STAB2: variants seen among roughly 807,000 people sequenced by gnomAD.
STAB2 encodes stabilin 2, also known as stabilin-2.
STAB2 carries 288 observed loss-of-function variants against 338.1 expected under a neutral mutation model. The observed-to-expected ratio is 0.85, with a 90% CI of 0.77 to 0.94. The LOEUF (loss-of-function observed/expected upper bound fraction) is 0.94, where lower values mean the gene tolerates loss of function less well. STAB2 is among the 40% of genes least tolerant of loss of function. STAB2 has a pLI of 0.00. For synonymous variants in STAB2, 1,202 were observed against 1,193.3 expected (o/e 1.01, Z -0.15); for missense variants, 3,141 against 3,210.1 (o/e 0.98, Z 0.52).
chr12:103,668,629 T>C lies in STAB2; in HGVS notation c.2086-14T>C. On this transcript the variant is annotated splice_polypyrimidine_tract_variant and intron_variant, in intron 19 of 68. Coordinates refer to ENST00000388887, the MANE Select transcript of STAB2 (RefSeq NM_017564.10). ...ATGCTGACTGCCATGCTTTCCCTCC[T>C]TGGCTTTCTCCAGGCACTCTTCACA... 1.3e-6 allele frequency: 2 copies of C among 1,551,220 alleles called. No individual in the cohort carries two copies. Among genetic ancestry groups the C allele is most frequent in the Non-Finnish European group, 1.7e-6 (2 of 1,146,942 alleles).
At chr12:103,652,416 AT>A (rs1873810651) in intron 11 of STAB2, 139 bp from the exon 12 acceptor site, 1 of 634,882 alleles carries the variant, frequency 1.6e-6, no homozygotes, top group African/African-American at 1.9e-5. Flanking sequence ...CAGTGCTTTC[AT>A]GCATTTGTAT....
At chr12:103,600,511 C>A (rs1214079376) in intron 3 of STAB2, among the ~76,000 whole-genome samples, 24 of 152,208 alleles carry the variant, frequency 1.6e-4, no homozygotes, top group Admixed American at 1.6e-3. Context: ...ATCACAGAGA[C>A]TCCACCCTGA....
In STAB2 at chr12:103,590,990, A is replaced by C. The variant is rs1162149668; in HGVS notation, c.175A>C (p.Thr59Pro). Residue 59 changes from threonine to proline, a missense_variant, in exon 2 of 69, where the codon ACC becomes CCC. Thr to Pro is a conservative substitution (Grantham distance 38). Coordinates refer to ENST00000388887, the MANE Select transcript of STAB2 (RefSeq NM_017564.10). ...TGGAGTCAAGTGCCCGGATGGTTAC[A>C]CCATGATTACCAGTGGCTCTGTAGG... ...NLGVKCPDGY[T>P]MITSGSVGVR... The C allele has an allele frequency of 6.2e-7, 1 of 1,614,008 alleles. No individual in the cohort carries two copies. The highest frequency in any genetic ancestry group is 8.5e-7 in the Non-Finnish European group (1 of 1,180,030).
At chr12:103,650,383 G>C (rs1320630573) in intron 10 of STAB2, 113 bp from the exon 11 acceptor site, 3 of 754,354 alleles carry the variant, frequency 4.0e-6, no homozygotes, top group Non-Finnish European at 6.7e-6. Context: ...CATTAGAATA[G>C]AGAAGGGCAT....
At chr12:103,737,452 C>T (rs1157489134) in intron 52 of STAB2, among the ~76,000 whole-genome samples, 182 bp from the exon 53 acceptor site, 2 of 152,150 alleles carry the variant, frequency 1.3e-5, no homozygotes, top group Non-Finnish European at 2.9e-5. Context: ...GCACATAATA[C>T]AAGCTGGGTA....
chr12:103,753,905 GAA>G (rs1883891062), intron 61 of STAB2, among the ~76,000 whole-genome samples: 1 of 152,068 alleles, frequency 6.6e-6, no homozygotes, highest in Non-Finnish European at 1.5e-5. Flanking sequence ...ACTGTGAAAA[GAA>G]AAAAGAGACT....
rs143223787 is a variant in STAB2 at position 103,733,170 on chromosome 12, A to G, written c.5448A>G (p.Ile1816Met). 384 of 1,613,972 alleles carry G rather than the reference A, an allele frequency of 2.4e-4. No homozygotes were observed. The highest frequency in any genetic ancestry group is 3.2e-4 in the Non-Finnish European group (374 of 1,179,976). Reference protein sequence around the residue: ...KLKEYLKFHVIRDAKVLAVDL... With the variant: ...KLKEYLKFHVMRDAKVLAVDL... ...AGGAGTATTTGAAGTTTCATGTGAT[A>G]CGAGATGCCAAGGTATTTAGTTTAC... Residue 1816 changes from isoleucine (I) to methionine (M), a missense_variant, in exon 51 of 69, where the codon ATA (isoleucine) becomes ATG (methionine). Transcript: ENST00000388887.
Position 103,733,131 on chromosome 12 carries a change from C to G in STAB2, c.5409C>G (p.Asn1803Lys). 1 of 1,614,152 alleles carries G rather than the reference C, an allele frequency of 6.2e-7. No individual in the cohort carries two copies. The highest frequency in any genetic ancestry group is 1.1e-5 in the South Asian group (1 of 91,080). Residue 1803 changes from asparagine to lysine, a missense_variant, in exon 51 of 69, where the codon AAC becomes AAG. Coordinates refer to ENST00000388887, the MANE Select transcript of STAB2 (RefSeq NM_017564.10). The part of the protein sequence containing the change: ...EQQDFLFNQD[N>K]KDKLKEYLKF... ...AGGACTTCCTGTTCAACCAAGACAA[C>G]AAGGACAAGCTGAAGGAGTATTTGA...
intron 28 of STAB2, among the ~76,000 whole-genome samples, 193 bp downstream of exon 28, chr12:103,688,408 C>G (rs1204476594): frequency 6.6e-6 from 1 of 152,084 alleles, no homozygotes; most frequent in Admixed American, 6.5e-5. Context: ...TAGGTCCCAC[C>G]CCTGAAGACT....
chr12:103,761,396 C>T lies in STAB2; in HGVS notation c.7345C>T (p.Pro2449Ser), dbSNP rs141730395. 70 of 1,613,494 alleles carry T rather than the reference C, an allele frequency of 4.3e-5. No homozygotes were observed. The African/African-American group carries it at 7.6e-4, about 18-fold the overall frequency. The change falls in exon 66 of 69, where the codon CCC (proline) becomes TCC (serine). Residue 2449 changes from proline (P) to serine (S), a missense_variant. Transcript: ENST00000388887. ...IHVISRPLKA[P>S]PAPVTLTHTG... ...TGTCATTTCCAGGCCTTTAAAAGCA[C>T]CCCCTGCCCCCGTGGTGAGTATCTA...
intron 37 of STAB2, 142 bp from the exon 38 acceptor site, chr12:103,706,650 T>C: frequency 9.2e-7 from 1 of 1,092,498 alleles, no homozygotes. Flanking sequence ...CCCCAGAGGG[T>C]CCTGCCCCCA....
In STAB2 at chr12:103,746,627, C is replaced by A; in HGVS notation, c.6167C>A (p.Ser2056Tyr). The A allele has an allele frequency of 6.2e-7, 1 of 1,614,120 alleles. No homozygotes were observed. The highest frequency in any genetic ancestry group is 1.1e-5 in the South Asian group (1 of 91,064). ...CCTGCAGTGTGTACGCCTCCTTGTT[C>A]TGCTCATGCCACCTGTAAGGAGAAC... ...VLPAVCTPPC[S>Y]AHATCKENNT... Residue 2056 changes from serine to tyrosine, a missense_variant, in exon 58 of 69, where the codon TCT becomes TAT. Ser to Tyr is a moderately radical substitution (Grantham distance 144, BLOSUM62 -2). Transcript: ENST00000388887.
intron 51 of STAB2, 80 bp from the exon 52 acceptor site, chr12:103,735,411 G>GT (rs1882032144): frequency 1.1e-5 from 11 of 1,023,450 alleles, no homozygotes; most frequent in Admixed American, 3.1e-5. Context: ...TCTGAATTTG[G>GT]TTTTTTGGTA....
chr12:103,749,281 T>A, intron 59 of STAB2, 125 bp downstream of exon 59: 1 of 1,120,706 alleles, frequency 8.9e-7, no homozygotes, highest in Non-Finnish European at 1.2e-6. Flanking sequence ...TAGCACAGTC[T>A]GTTTCTTGTT....
Position 103,742,394 on chromosome 12 carries a change from A to G in STAB2, c.5882-11A>G, listed in dbSNP as rs1882653364. On this transcript the variant is annotated splice_polypyrimidine_tract_variant and intron_variant, in intron 55 of 68. Transcript: ENST00000388887. The stretch of plus-strand genomic sequence containing the variant: ...GAGACTGTTGAGTCACTGCTGTTTC[A>G]TCTCTTCCAGCCTGCCCTGGAGGAC... The G allele has an allele frequency of 6.2e-7, 1 of 1,613,658 alleles. No individual in the cohort carries two copies. Among genetic ancestry groups the G allele is most frequent in the Non-Finnish European group, 8.5e-7 (1 of 1,179,776 alleles).
chr12:103,764,324 G>A (rs1884760861), intron 68 of STAB2, among the ~76,000 whole-genome samples: 1 of 152,190 alleles, frequency 6.6e-6, no homozygotes, highest in African/African-American at 2.4e-5. Flanking sequence ...CAGAGCTGCT[G>A]CTTTCTTGCT....
At chr12:103,729,599 C>T (rs1266226847) in intron 48 of STAB2, among the ~76,000 whole-genome samples, 2 of 152,150 alleles carry the variant, frequency 1.3e-5, no homozygotes, top group Non-Finnish European at 2.9e-5. Flanking sequence ...TCCAAGGTCA[C>T]ACAAAGAGCA....
At position 103,755,604 on chromosome 12, in the gene STAB2, C is replaced by A. The variant is rs781536609; in HGVS notation, c.6881-8C>A. 6.2e-7 allele frequency: 1 copy of A among 1,613,996 alleles called. No individual in the cohort carries two copies. Among genetic ancestry groups the A allele is most frequent in the Non-Finnish European group, 8.5e-7 (1 of 1,179,938 alleles). ...TTGTGTGGGACCCTGTGTGCCTCTG[C>A]CCTCCAGATGTGAACTGCACCTGCA... On this transcript the variant is annotated splice_polypyrimidine_tract_variant and splice_region_variant and intron_variant, in intron 62 of 68. Coordinates refer to ENST00000388887, the MANE Select transcript of STAB2 (RefSeq NM_017564.10).
intron 3 of STAB2, among the ~76,000 whole-genome samples, chr12:103,606,384 T>C (rs1306530521): frequency 2.6e-5 from 4 of 152,214 alleles, no homozygotes; most frequent in Non-Finnish European, 4.4e-5. Flanking sequence ...CTTTAAATGA[T>C]TTAAAATATT....
Sources: allele counts gnomAD v4.1 joint callset (sites outside exome capture counted in the v4.1 genomes callset), GRCh38; gene constraint gnomAD v4.1.1; transcripts MANE v1.5; gene names NCBI Gene and HGNC (gene_info 2026-07-23, HGNC 2026-07-21).